Variants in ZNF385D observed in about 807,000 individuals in gnomAD.
ZNF385D encodes the protein zinc finger protein 385D.
In ZNF385D, 15 loss-of-function variants were observed where a neutral mutation model predicts 35.8. The observed-to-expected ratio is 0.42, with a 90% CI of 0.28 to 0.64. ZNF385D has a LOEUF of 0.64. ZNF385D is among the 30% of genes least tolerant of loss of function. ZNF385D has a pLI of 0.23. For missense variants in ZNF385D, 474 were observed against 494.6 expected (o/e 0.96, Z 0.39); for synonymous variants, 212 against 186.8 (o/e 1.13, Z -1.10).
At chr3:22,217,600 A>G (rs1233973614) in intron 2 of ZNF385D, among the ~76,000 whole-genome samples, 1 of 152,208 alleles carries the variant, frequency 6.6e-6, no homozygotes, top group Non-Finnish European at 1.5e-5. Flanking sequence ...TAACAGAGGT[A>G]AATTACACTT....
chr3:21,785,352 A>C (rs1052724963), intron 3 of ZNF385D, among the ~76,000 whole-genome samples: 2 of 152,158 alleles, frequency 1.3e-5, no homozygotes, highest in African/African-American at 2.4e-5. Context: ...CATATTCATC[A>C]TTTCCTACAG....
rs1202736525 is a variant in ZNF385D, at chr3:21,418,712, G to C, written c.*2502C>G. ...CATTCACTTTGGTGAAAATGGGAAAGAACAGCAAAAGCACGTTTTAGTGAG... is the reference window on the plus strand; with the variant it reads ...CATTCACTTTGGTGAAAATGGGAAACAACAGCAAAAGCACGTTTTAGTGAG... On this transcript the variant is annotated 3_prime_UTR_variant, in exon 8 of 8. Coordinates refer to ENST00000281523, the MANE Select transcript of ZNF385D (RefSeq NM_024697.3). The C allele has an allele frequency of 6.6e-6, 1 of 152,140 alleles. No homozygotes were observed. Among genetic ancestry groups the C allele is most frequent in the Admixed American group, 6.5e-5 (1 of 15,278 alleles). 9.4% of individuals were successfully genotyped at this position (152,140 alleles called of 1,614,324 possible).
chr3:22,351,452 T>C (rs1695912679), intron 2 of ZNF385D, among the ~76,000 whole-genome samples: 1 of 152,084 alleles, frequency 6.6e-6, no homozygotes, highest in Admixed American at 6.6e-5. Context: ...CAAGCATAAT[T>C]ACTGAAATAC....
intron 3 of ZNF385D, among the ~76,000 whole-genome samples, chr3:22,037,450 C>A (rs560613737): frequency 0.037 from 5,567 of 152,074 alleles, 367 homozygotes; most frequent in African/African-American, 0.13. Context: ...ATTTGCATTT[C>A]TCTGATGGCC....
At position 22,042,905 on chromosome 3, in the gene ZNF385D, C is replaced by T. The variant is rs1209854702; in HGVS notation, c.325+125912G>A. Reference sequence around the variant, plus strand: ...TATTACACAGGAAGTGTGAACTTTGCCATCACCAAATCAAGGGACTAACCT... The same window carrying T: ...TATTACACAGGAAGTGTGAACTTTGTCATCACCAAATCAAGGGACTAACCT... On this transcript the variant is annotated intron_variant, in intron 3 of 5. Coordinates refer to the ZNF385D transcript ENST00000494108. Among the ~76,000 whole-genome samples the T allele has an allele frequency of 2.0e-5, 3 of 152,218 alleles. No homozygotes were observed. The East Asian group carries it at 5.8e-4, about 29-fold the overall frequency.
chr3:21,762,692 T>C (rs776680006), intron 3 of ZNF385D, among the ~76,000 whole-genome samples: 8 of 152,142 alleles, frequency 5.3e-5, no homozygotes, highest in Non-Finnish European at 8.8e-5. Context: ...GTGCTAAAAG[T>C]TATAGACAGA....
At chr3:21,581,179 A>T (rs1223431433) in intron 2 of ZNF385D, among the ~76,000 whole-genome samples, 3 of 152,200 alleles carry the variant, frequency 2.0e-5, no homozygotes, top group Non-Finnish European at 4.4e-5. Context: ...ATTTTGCTGC[A>T]ATAACGTAGA....
At chr3:21,736,520 A>G (rs1181556293) in intron 1 of ZNF385D, among the ~76,000 whole-genome samples, 2 of 152,218 alleles carry the variant, frequency 1.3e-5, no homozygotes, top group Non-Finnish European at 2.9e-5. Flanking sequence ...ACCTTCAGAG[A>G]TCTTTCAAGG....
intron 3 of ZNF385D, among the ~76,000 whole-genome samples, chr3:22,028,069 G>A (rs970775692): frequency 6.6e-6 from 1 of 152,106 alleles, no homozygotes; most frequent in Non-Finnish European, 1.5e-5. Flanking sequence ...ATTATACACC[G>A]ATTCATGGGC....
chr3:21,731,801 C>T (rs553426574), intron 1 of ZNF385D, among the ~76,000 whole-genome samples: 144 of 152,234 alleles, frequency 9.5e-4, no homozygotes, highest in Non-Finnish European at 1.8e-3. Context: ...TGGAATAGTA[C>T]AGTATGCAGC....
At position 21,468,926 on chromosome 3, in the gene ZNF385D, TA is replaced by T. The variant is rs199758653; in HGVS notation, c.440-31724del. Reference sequence around the variant, plus strand: ...TCTGGCAACAGAGTAAGACTCTGTCTAAAAAAAAAAGAATACATAGTATGAT... The same window carrying T: ...TCTGGCAACAGAGTAAGACTCTGTCTAAAAAAAAAGAATACATAGTATGAT... On this transcript the variant is annotated intron_variant, in intron 4 of 7. Transcript: ENST00000281523. 3.0e-4 allele frequency among the ~76,000 whole-genome samples: 45 copies of T among 148,064 alleles called. 1 individual carries two copies. In the East Asian group the frequency reaches 5.9e-3, roughly 19 times the overall value.
At position 21,682,728 on chromosome 3, in the gene ZNF385D, C is replaced by CT. The variant is rs142470719; in HGVS notation, c.23-17701dup. ...TACTTCCTGAGCAGGAGAAGACAAA[C>CT]TTTTTTTTTTTTCCTTTGGGAAAGG... On this transcript the variant is annotated intron_variant, in intron 1 of 7. Transcript: ENST00000281523. Among the ~76,000 whole-genome samples the CT allele has an allele frequency of 5.2e-4, 74 of 143,000 alleles. 1 individual carries two copies. The highest frequency in any genetic ancestry group is 1.1e-3 in the South Asian group (5 of 4,462). 93.8% of individuals were successfully genotyped at this position (143,000 alleles called of 152,430 possible). A position where few individuals can be genotyped will look rare whatever the true frequency, so the allele number is the denominator to read the frequency against.
At chr3:22,189,405 T>C (rs988421483) in intron 2 of ZNF385D, among the ~76,000 whole-genome samples, 1 of 152,134 alleles carries the variant, frequency 6.6e-6, no homozygotes, top group Non-Finnish European at 1.5e-5. Flanking sequence ...ATATATACAT[T>C]GCTAGCCTCA....
At chr3:22,114,078 CAT>C (rs1702683943) in intron 3 of ZNF385D, among the ~76,000 whole-genome samples, 1 of 151,878 alleles carries the variant, frequency 6.6e-6, no homozygotes, top group Non-Finnish European at 1.5e-5. Context: ...AGTGAGAAAA[CAT>C]AAATCATATG....
chr3:22,218,848 G>T (rs1206847603), intron 2 of ZNF385D, among the ~76,000 whole-genome samples: 1 of 151,986 alleles, frequency 6.6e-6, no homozygotes, highest in Non-Finnish European at 1.5e-5. Context: ...TTAATGTAGG[G>T]TTGATCTGAG....
At chr3:21,934,004 A>C (rs1701140415) in intron 3 of ZNF385D, among the ~76,000 whole-genome samples, 2 of 77,788 alleles carry the variant, frequency 2.6e-5, no homozygotes, top group South Asian at 8.0e-4. Flanking sequence ...CTCACTGGTA[A>C]TTAAAAAAAA....
At chr3:22,271,679 C>A (rs145197198) in intron 2 of ZNF385D, among the ~76,000 whole-genome samples, 27 of 151,966 alleles carry the variant, frequency 1.8e-4, no homozygotes, top group Admixed American at 8.5e-4. Context: ...GCTTAAAAAA[C>A]TCCCCCCACC....
chr3:21,933,900 AG>A lies in ZNF385D; in HGVS notation c.325+234916del, dbSNP rs1219518793. 2.6e-5 allele frequency among the ~76,000 whole-genome samples: 4 copies of A among 151,822 alleles called. No individual in the cohort carries two copies. The Admixed American group carries it at 2.6e-4, about 10-fold the overall frequency. The stretch of plus-strand genomic sequence containing the variant: ...ATTACACTTAAATCATAAGACTGCC[AG>A]GAACATTGGATCAGATAATGCATAA... On this transcript the variant is annotated intron_variant, in intron 3 of 5. Transcript: ENST00000494108.
At chr3:21,666,065 C>T (rs7610303) in intron 1 of ZNF385D, among the ~76,000 whole-genome samples, 109,250 of 152,084 alleles carry the variant, frequency 0.72, 39,696 homozygotes, top group Admixed American at 0.77. Flanking sequence ...GACATGCTTG[C>T]GCCACTTACT....
Sources: gnomAD v4.1 joint callset for allele counts (sites outside exome capture counted in the v4.1 genomes callset) on GRCh38, gnomAD v4.1.1 for gene constraint, MANE v1.5 for transcripts, NCBI Gene and HGNC (gene_info 2026-07-23, HGNC 2026-07-21) for gene names.